LMNB1: variants seen among roughly 807,000 people sequenced by gnomAD.
The protein encoded by LMNB1 is lamin-B1.
Under a neutral mutation model 67.1 loss-of-function variants are expected in LMNB1, and 23 were observed. The ratio of observed to expected loss-of-function variants is 0.34; its 90% CI spans 0.25 to 0.49. The LOEUF is 0.49. Among genes scored for constraint, LMNB1 ranks in the 20% least tolerant of loss-of-function variants. The pLI, the probability that LMNB1 is intolerant of heterozygous loss-of-function variation, is 0.99. For missense variants in LMNB1, 634 were observed against 746.5 expected, an observed-to-expected ratio of 0.85 and a Z score of 1.76; for synonymous variants, 281 against 282.9, an observed-to-expected ratio of 0.99 and a Z score of 0.07.
At chr5:126,814,398 C>G (rs992536789) in intron 5 of LMNB1, among the ~76,000 whole-genome samples, 2 of 152,140 alleles carry the variant, frequency 1.3e-5, no homozygotes, top group African/African-American at 4.8e-5. Context: ...CAGATCTTCT[C>G]TTGAGGTTGA....
chr5:126,830,431 A>G (rs935612440), intron 9 of LMNB1, among the ~76,000 whole-genome samples: 2 of 152,110 alleles, frequency 1.3e-5, no homozygotes, highest in Non-Finnish European at 2.9e-5. Context: ...AAACCTCCCA[A>G]CAGCTTTTTG....
rs1231218853 is a variant in LMNB1 at position 126,777,481 on chromosome 5, C to T, written c.-28C>T. ...CTTATCACGGTCCCGCTCGCGGCCTCGCCGCCCCGCTGTCTCCGCCGCCCG... is the reference window on the plus strand; with the variant it reads ...CTTATCACGGTCCCGCTCGCGGCCTTGCCGCCCCGCTGTCTCCGCCGCCCG... On this transcript the variant is annotated 5_prime_UTR_variant, in exon 1 of 11. Coordinates refer to ENST00000261366, the MANE Select transcript of LMNB1 (RefSeq NM_005573.4). 1.5e-6 allele frequency: 2 copies of T among 1,303,774 alleles called. No homozygotes were observed. Among genetic ancestry groups the T allele is most frequent in the African/African-American group, 3.1e-5 (2 of 64,368 alleles). The allele number at this position is 1,303,774 out of a possible 1,614,324, so 80.8% of individuals were successfully genotyped here. A position where few individuals can be genotyped will look rare whatever the true frequency, so the allele number is the denominator to read the frequency against.
chr5:126,817,989 T>A (rs1036337659), intron 5 of LMNB1, among the ~76,000 whole-genome samples: 2 of 152,146 alleles, frequency 1.3e-5, no homozygotes, highest in Non-Finnish European at 2.9e-5. Context: ...GGATGTGTGA[T>A]TTTTAATTTT....
intron 1 of LMNB1, among the ~76,000 whole-genome samples, chr5:126,782,291 C>G (rs1295200372): frequency 6.6e-6 from 1 of 152,164 alleles, no homozygotes; most frequent in Non-Finnish European, 1.5e-5. Flanking sequence ...GAAGTTAAAG[C>G]AATTCCAATT....
rs569649680 is a variant in LMNB1, at chr5:126,808,564, A to T, written c.643-1616A>T. 3.9e-5 allele frequency among the ~76,000 whole-genome samples: 6 copies of T among 152,206 alleles called. No homozygotes were observed. In the East Asian group the frequency reaches 1.2e-3, roughly 29 times the overall value. Reference sequence around the variant, plus strand: ...TTCCTTATTATGAACAGTTGGGGGAAAAAAGGAAGGAGAAAGACGAAAGAG... The same window carrying T: ...TTCCTTATTATGAACAGTTGGGGGATAAAAGGAAGGAGAAAGACGAAAGAG... On this transcript the variant is annotated intron_variant, in intron 3 of 10. Transcript: ENST00000261366.
At chr5:126,785,245 C>T (rs537605991) in intron 1 of LMNB1, among the ~76,000 whole-genome samples, 1 of 151,620 alleles carries the variant, frequency 6.6e-6, no homozygotes, top group Non-Finnish European at 1.5e-5. Flanking sequence ...CTTGGCCTCC[C>T]AAAGTGCTGG....
intron 3 of LMNB1, among the ~76,000 whole-genome samples, chr5:126,808,945 G>T (rs1022744837): frequency 4.0e-5 from 6 of 151,310 alleles, no homozygotes; most frequent in African/African-American, 1.5e-4. Context: ...GTGCGATCTT[G>T]GCTCACTGCA....
At position 126,836,307 on chromosome 5, in the gene LMNB1, T is replaced by C. The variant is rs1051643; in HGVS notation, c.*43T>C. Reference sequence around the variant, plus strand: ...CTCAAAATAAAGAAGTATGGTAATCTTTACCTGTATACAGTGCAGAGCCTT... The same window carrying C: ...CTCAAAATAAAGAAGTATGGTAATCCTTACCTGTATACAGTGCAGAGCCTT... On this transcript the variant is annotated 3_prime_UTR_variant, in exon 11 of 11. Coordinates refer to ENST00000261366, the MANE Select transcript of LMNB1 (RefSeq NM_005573.4). 0.66 allele frequency: 911,629 copies of C among 1,372,024 alleles called. 303,164 individuals are homozygous for C. The highest frequency in any genetic ancestry group is 0.71 in the South Asian group (60,522 of 85,664). The allele number at this position is 1,372,024 out of a possible 1,614,324, so 85.0% of individuals were successfully genotyped here.
intron 1 of LMNB1, among the ~76,000 whole-genome samples, chr5:126,785,299 T>A (rs990931625): frequency 3.5e-5 from 5 of 142,352 alleles, no homozygotes; most frequent in African/African-American, 1.1e-4. Context: ...AAATTAATTT[T>A]TTTTTTTTTT....
At chr5:126,800,982 A>ATTT (rs57114367) in intron 1 of LMNB1, among the ~76,000 whole-genome samples, 1 of 18,630 alleles carries the variant, frequency 5.4e-5, no homozygotes, top group Non-Finnish European at 1.0e-4. Context: ...TATATATATA[A>ATTT]TTTTTTTTTT....
intron 9 of LMNB1, among the ~76,000 whole-genome samples, chr5:126,832,136 T>G (rs770005292): frequency 2.6e-5 from 4 of 151,990 alleles, no homozygotes; most frequent in Non-Finnish European, 5.9e-5. Context: ...CACGTGGTGG[T>G]GCATGCCTGT....
intron 3 of LMNB1, among the ~76,000 whole-genome samples, chr5:126,809,647 A>G (rs1580543059): frequency 2.6e-5 from 4 of 152,352 alleles, no homozygotes; most frequent in African/African-American, 9.6e-5. Flanking sequence ...AGATCATACC[A>G]TTGCACAACA....
chr5:126,804,966 C>G (rs774663185), intron 2 of LMNB1, 34 bp downstream of exon 2: 1 of 1,579,966 alleles, frequency 6.3e-7, no homozygotes, highest in Middle Eastern at 1.7e-4. Context: ...CCGTATGTGA[C>G]AGGTTAATTG....
At chr5:126,819,784 G>A (rs1048399696) in intron 6 of LMNB1, among the ~76,000 whole-genome samples, 2 of 151,298 alleles carry the variant, frequency 1.3e-5, no homozygotes, top group East Asian at 2.0e-4. Context: ...CACCACGCCC[G>A]GCTGGCTTTA....
At chr5:126,782,953 G>T (rs1364642027) in intron 1 of LMNB1, among the ~76,000 whole-genome samples, 1 of 151,950 alleles carries the variant, frequency 6.6e-6, no homozygotes, top group Non-Finnish European at 1.5e-5. Context: ...TGTAATCCTA[G>T]CACTTTGGGA....
At chr5:126,822,987 G>C (rs1027676726) in intron 8 of LMNB1, 102 bp downstream of exon 8, 1 of 706,760 alleles carries the variant, frequency 1.4e-6, no homozygotes, top group African/African-American at 1.8e-5. Context: ...AGAAATGGCC[G>C]TTAAAGTACT....
chr5:126,784,014 ATTTTTTTTTT>A (rs61578729), intron 1 of LMNB1, among the ~76,000 whole-genome samples: 4 of 59,438 alleles, frequency 6.7e-5, no homozygotes, highest in African/African-American at 1.4e-4. Flanking sequence ...CTGTCATTTG[ATTTTTTTTTT>A]TTTTTTTTTT....
At chr5:126,807,001 TCTC>T (rs1751456474) in intron 3 of LMNB1, among the ~76,000 whole-genome samples, 1 of 152,122 alleles carries the variant, frequency 6.6e-6, no homozygotes, top group Non-Finnish European at 1.5e-5. Context: ...ATGGTCTCAA[TCTC>T]CTGACCTTGT....
Position 126,805,601 on chromosome 5 carries a change from C to A in LMNB1, c.547C>A (p.Gln183Lys), listed in dbSNP as rs1751395478. ...AGCCTCCTTAGCTGCAGCCAAAAAA[C>A]AGTTAGCAGATGAAACTTTACTTAA... ...LEASLAAAKKQLADETLLKVD... is the reference protein window; with the variant it reads ...LEASLAAAKKKLADETLLKVD... Residue 183 changes from glutamine (Q) to lysine (K), a missense_variant, in exon 3 of 11, where the codon CAG becomes AAG. By Grantham distance (53) the Gln-to-Lys change is moderately conservative. Transcript: ENST00000261366. 3 of 1,610,354 alleles carry A rather than the reference C, an allele frequency of 1.9e-6. No homozygotes were observed. The highest frequency in any genetic ancestry group is 1.7e-6 in the Non-Finnish European group (2 of 1,176,818).
Sources: gnomAD v4.1 joint callset for allele counts (sites outside exome capture counted in the v4.1 genomes callset) on GRCh38, gnomAD v4.1.1 for gene constraint, MANE v1.5 for transcripts, NCBI Gene and HGNC (gene_info 2026-07-23, HGNC 2026-07-21) for gene names.